The following CACNG2 variants were observed in gnomAD, a reference collection of about 807,000 sequenced individuals.
CACNG2 encodes calcium voltage-gated channel auxiliary subunit gamma 2.
A neutral mutation model predicts 25.9 loss-of-function variants in CACNG2; 3 were observed. The observed-to-expected ratio is 0.12, with a 90% CI of 0.05 to 0.30. The LOEUF (loss-of-function observed/expected upper bound fraction) is 0.30. CACNG2 is among the 10% of genes least tolerant of loss of function. The probability of loss-of-function intolerance (pLI) is 1.00; values close to 1 mark genes in which losing one functional copy is unlikely to be tolerated. For synonymous variants in CACNG2, 167 were observed against 173.3 expected, an observed-to-expected ratio of 0.96 and a Z score of 0.29; for missense variants, 341 against 432.5, an observed-to-expected ratio of 0.79 and a Z score of 1.88.
At chr22:36,638,418 T>A (rs535424303) in intron 1 of CACNG2, among the ~76,000 whole-genome samples, 22 of 152,310 alleles carry the variant, frequency 1.4e-4, no homozygotes, top group African/African-American at 5.3e-4. Context: ...TCTGCTTCCA[T>A]TGCCCCTGCT....
chr22:36,620,473 T>C (rs1936089589), intron 1 of CACNG2, among the ~76,000 whole-genome samples: 1 of 152,232 alleles, frequency 6.6e-6, no homozygotes. Flanking sequence ...AAATAAACAA[T>C]CACCACGTAG....
intron 1 of CACNG2, among the ~76,000 whole-genome samples, chr22:36,611,615 CGAAA>C (rs1569029060): frequency 6.6e-6 from 1 of 152,146 alleles, no homozygotes; most frequent in African/African-American, 2.4e-5. Context: ...CCAAGCACCC[CGAAA>C]TGCCCCTTCT....
At chr22:36,639,051 A>T (rs930305990) in intron 1 of CACNG2, among the ~76,000 whole-genome samples, 1 of 152,154 alleles carries the variant, frequency 6.6e-6, no homozygotes, top group Non-Finnish European at 1.5e-5. Context: ...GGAGGGGTAG[A>T]TATGTAAGGG....
At chr22:36,689,278 G>A (rs907039871) in intron 1 of CACNG2, among the ~76,000 whole-genome samples, 7 of 152,146 alleles carry the variant, frequency 4.6e-5, no homozygotes, top group African/African-American at 1.7e-4. Flanking sequence ...ACTGCTCTCA[G>A]TCCCTGGGCT....
At chr22:36,619,508 T>C (rs1032547499) in intron 1 of CACNG2, among the ~76,000 whole-genome samples, 41 of 152,256 alleles carry the variant, frequency 2.7e-4, no homozygotes, top group African/African-American at 8.7e-4. Flanking sequence ...GTCCAATATG[T>C]ACCAAGTGTT....
chr22:36,703,284 G>T lies in CACNG2; in HGVS notation c.-708C>A. On this transcript the variant is annotated 5_prime_UTR_variant, in exon 1 of 4. Coordinates refer to ENST00000300105, the MANE Select transcript of CACNG2 (RefSeq NM_006078.5). ...GGCGGCAGGGCGGGCAGGCGCGGCG[G>T]CGGCGGCGGCAGCAGGACGAGCAGC... 1 of 157,206 alleles carries T rather than the reference G, an allele frequency of 6.4e-6. No homozygotes were observed. Among genetic ancestry groups the T allele is most frequent in the Non-Finnish European group, 1.4e-5 (1 of 73,458 alleles). 9.7% of individuals were successfully genotyped at this position (157,206 alleles called of 1,614,324 possible). A position where few individuals can be genotyped will look rare whatever the true frequency, so the allele number is the denominator to read the frequency against.
intron 1 of CACNG2, among the ~76,000 whole-genome samples, chr22:36,650,715 TC>T (rs1936598287): frequency 6.6e-6 from 1 of 152,152 alleles, no homozygotes; most frequent in Non-Finnish European, 1.5e-5. Context: ...GATGGGGGTG[TC>T]ACTTTTTTGG....
chr22:36,643,264 T>TTTCC (rs945251065), intron 1 of CACNG2, among the ~76,000 whole-genome samples: 2 of 150,704 alleles, frequency 1.3e-5, no homozygotes, highest in African/African-American at 2.4e-5. Context: ...TTTCTCTCTC[T>TTTCC]TTCCTTCCTT....
At chr22:36,647,574 C>A (rs1460811915) in intron 1 of CACNG2, among the ~76,000 whole-genome samples, 1 of 150,694 alleles carries the variant, frequency 6.6e-6, no homozygotes, top group East Asian at 1.9e-4. Context: ...CCAGCCTGGG[C>A]AACAGAGCAA....
chr22:36,667,791 G>C (rs574925800), intron 1 of CACNG2, among the ~76,000 whole-genome samples: 1 of 152,184 alleles, frequency 6.6e-6, no homozygotes, highest in Non-Finnish European at 1.5e-5. Flanking sequence ...ACTGGGTGTC[G>C]TTAAGTGTGC....
intron 1 of CACNG2, among the ~76,000 whole-genome samples, chr22:36,609,530 A>T (rs1935896817): frequency 7.3e-6 from 1 of 137,206 alleles, no homozygotes; most frequent in Admixed American, 7.3e-5. Context: ...GTGATCGGGC[A>T]GGAATCAGCC....
chr22:36,668,465 C>T (rs1936904123), intron 1 of CACNG2, among the ~76,000 whole-genome samples: 1 of 151,704 alleles, frequency 6.6e-6, no homozygotes, highest in African/African-American at 2.4e-5. Flanking sequence ...TGGTCTGAGA[C>T]CAAACGCCTG....
chr22:36,642,222 C>A (rs908234831), intron 1 of CACNG2, among the ~76,000 whole-genome samples: 1 of 152,172 alleles, frequency 6.6e-6, no homozygotes, highest in Non-Finnish European at 1.5e-5. Flanking sequence ...GGAAATTGAA[C>A]ACACCCAATA....
chr22:36,606,883 CTG>C lies in CACNG2; in HGVS notation c.212-19337_212-19336del, dbSNP rs949812239. Among the ~76,000 whole-genome samples the C allele has an allele frequency of 2.2e-4, 32 of 148,002 alleles. No individual in the cohort carries two copies. The highest frequency in any genetic ancestry group is 4.0e-4 in the Non-Finnish European group (27 of 66,748). ...TACGTGTGTATGTCTGTGTGTGAGT[CTG>C]TGTGTGTGTCTGTGGTGTGTGTATG... On this transcript the variant is annotated intron_variant, in intron 1 of 3. Coordinates refer to ENST00000300105, the MANE Select transcript of CACNG2 (RefSeq NM_006078.5). The surrounding 1 kb of genome is among the most constrained non-coding windows in gnomAD (Gnocchi z 5.7).
chr22:36,645,960 T>C (rs1484782959), intron 1 of CACNG2, among the ~76,000 whole-genome samples: 1 of 152,344 alleles, frequency 6.6e-6, no homozygotes, highest in East Asian at 1.9e-4. Context: ...CGTTAATTTA[T>C]GCTAAAGATT....
chr22:36,635,289 A>T (rs1211147116), intron 1 of CACNG2, among the ~76,000 whole-genome samples: 1 of 152,030 alleles, frequency 6.6e-6, no homozygotes, highest in East Asian at 1.9e-4. Flanking sequence ...GTCTCAAAAA[A>T]AAAAAAAAAA....
At chr22:36,643,324 C>A (rs995254979) in intron 1 of CACNG2, among the ~76,000 whole-genome samples, 2 of 151,362 alleles carry the variant, frequency 1.3e-5, no homozygotes, top group African/African-American at 4.9e-5. Context: ...CTCTCTCTTT[C>A]TCTGTCTCTC....
chr22:36,610,344 G>A (rs1165155896), intron 1 of CACNG2, among the ~76,000 whole-genome samples: 1 of 147,906 alleles, frequency 6.8e-6, no homozygotes, highest in East Asian at 2.0e-4. Flanking sequence ...GCGTGATTGG[G>A]AGGAGTCAGC....
At chr22:36,565,148 A>G (rs1935104986) in intron 3 of CACNG2, among the ~76,000 whole-genome samples, 2 of 152,346 alleles carry the variant, frequency 1.3e-5, no homozygotes, top group South Asian at 4.1e-4. Context: ...GGCATTTCAC[A>G]AGGCGCTGAG....
Sources: allele counts gnomAD v4.1 joint callset (sites outside exome capture counted in the v4.1 genomes callset), GRCh38; gene constraint gnomAD v4.1.1; non-coding constraint Gnocchi (gnomAD v3.1); transcripts MANE v1.5; gene names NCBI Gene and HGNC (gene_info 2026-07-23, HGNC 2026-07-21).